The following CCDC88C variants were observed in gnomAD, a reference collection of about 807,000 sequenced individuals.
CCDC88C encodes the protein coiled-coil and HOOK domain protein 88C.
CCDC88C carries 131 observed loss-of-function variants against 198.8 expected under a neutral mutation model. The ratio of observed to expected loss-of-function variants is 0.66; its 90% CI spans 0.57 to 0.76. The LOEUF (loss-of-function observed/expected upper bound fraction) is 0.76. CCDC88C is among the 30% of genes least tolerant of loss of function. The pLI is 0.00. For synonymous variants in CCDC88C, 1,166 were observed against 1,114.7 expected (o/e 1.05, Z -0.92); for missense variants, 2,553 against 2,631.6 (o/e 0.97, Z 0.65).
chr14:91,294,356 AC>A, intron 22 of CCDC88C, 38 bp from the exon 23 acceptor site: 1 of 1,608,250 alleles, frequency 6.2e-7, no homozygotes, highest in Non-Finnish European at 8.5e-7. Context: ...ACACCATGTG[AC>A]CCGGTGTTCC....
intron 4 of CCDC88C, 39 bp from the exon 5 acceptor site, chr14:91,343,696 G>A: frequency 3.1e-6 from 5 of 1,611,156 alleles, no homozygotes; most frequent in Non-Finnish European, 4.2e-6. Context: ...CAGCTCAACT[G>A]CTGATATAAT....
chr14:91,331,977 T>C (rs1892852887), intron 10 of CCDC88C, among the ~76,000 whole-genome samples: 2 of 151,992 alleles, frequency 1.3e-5, no homozygotes, highest in African/African-American at 4.8e-5. Flanking sequence ...TCTGCCCAGC[T>C]AGGTCTCTGC....
rs1466273524 is a variant in CCDC88C, at chr14:91,338,472, T to A, written c.891+17A>T. On this transcript the variant is annotated intron_variant, in intron 9 of 29. Coordinates refer to ENST00000389857, the MANE Select transcript of CCDC88C (RefSeq NM_001080414.4). This position sits in a 1 kb window ranked among gnomAD's most constrained non-coding sequence, Gnocchi z 4.8. The stretch of plus-strand genomic sequence containing the variant: ...CCTGCTACCCCCAGGACACACAGGC[T>A]CAGGCCCCCGACTCACCTCCTGCTT... 7.1e-6 allele frequency: 11 copies of A among 1,554,822 alleles called. No homozygotes were observed. The highest frequency in any genetic ancestry group is 4.7e-5 in the South Asian group (4 of 84,226).
At chr14:91,322,693 T>C (rs73338405) in intron 12 of CCDC88C, among the ~76,000 whole-genome samples, 2,024 of 152,298 alleles carry the variant, frequency 0.013, 48 homozygotes, top group African/African-American at 0.045. Context: ...TTTTAAAGTG[T>C]TTGGATCTGT....
At chr14:91,278,547 G>C (rs1890064497) in intron 28 of CCDC88C, among the ~76,000 whole-genome samples, 1 of 152,192 alleles carries the variant, frequency 6.6e-6, no homozygotes, top group African/African-American at 2.4e-5. Context: ...AATGTACAGG[G>C]AAGGTTCATG....
At chr14:91,287,497 C>T (rs1890464594) in intron 25 of CCDC88C, among the ~76,000 whole-genome samples, 1 of 152,078 alleles carries the variant, frequency 6.6e-6, no homozygotes, top group Admixed American at 6.5e-5. Context: ...CCACACCTGG[C>T]TAAATAAAAA....
rs1263569245 is a variant in CCDC88C at position 91,284,564 on chromosome 14, A to G, written c.4442-1047T>C. Among the ~76,000 whole-genome samples, 1 of 152,228 alleles carries G rather than the reference A, an allele frequency of 6.6e-6. No homozygotes were observed. The highest frequency in any genetic ancestry group is 2.4e-5 in the African/African-American group (1 of 41,450). ...GAGTGAACAGTTAGCATGAGCAGCG[A>G]ACAGAGAAAGCACAATTCCAACAGC... On this transcript the variant is annotated intron_variant, in intron 25 of 29. Transcript: ENST00000389857. This position sits in a 1 kb window ranked among gnomAD's most constrained non-coding sequence, Gnocchi z 4.1.
Position 91,272,575 on chromosome 14 carries a change from C to A in CCDC88C, c.*50G>T. The A allele has an allele frequency of 3.2e-6, 5 of 1,545,624 alleles. No homozygotes were observed. The highest frequency in any genetic ancestry group is 1.2e-5 in the South Asian group (1 of 85,678). ...AAGCAAGAGAAAAGGCCGTGAGAGT[C>A]GGAAGGCGCGTCAGTAGTTTTCAGG... On this transcript the variant is annotated 3_prime_UTR_variant, in exon 30 of 30. Coordinates refer to ENST00000389857, the MANE Select transcript of CCDC88C (RefSeq NM_001080414.4).
chr14:91,276,812 C>T (rs934967007), intron 29 of CCDC88C, among the ~76,000 whole-genome samples: 2 of 152,166 alleles, frequency 1.3e-5, no homozygotes, highest in Non-Finnish European at 2.9e-5. Flanking sequence ...ACTTTAAAGA[C>T]GTATGTGCAG....
Position 91,272,344 on chromosome 14 carries a change from TTG to T in CCDC88C, c.*279_*280del. The T allele has an allele frequency of 4.4e-6, 2 of 452,908 alleles. No individual in the cohort carries two copies. Among genetic ancestry groups the T allele is most frequent in the Non-Finnish European group, 7.9e-6 (2 of 252,662 alleles). The allele number at this position is 452,908 out of a possible 1,614,324, so 28.1% of individuals were successfully genotyped here. A position where few individuals can be genotyped will look rare whatever the true frequency, so the allele number is the denominator to read the frequency against. ...TGCTTTGGGGGAAGTCAGTTTGTCATTGCATCCTAATTGGTCCCCATGCTGAC... is the reference window on the plus strand; with the variant it reads ...TGCTTTGGGGGAAGTCAGTTTGTCATCATCCTAATTGGTCCCCATGCTGAC... On this transcript the variant is annotated 3_prime_UTR_variant, in exon 30 of 30. Coordinates refer to ENST00000389857, the MANE Select transcript of CCDC88C (RefSeq NM_001080414.4).
chr14:91,374,377 G>C (rs761191503), intron 3 of CCDC88C, among the ~76,000 whole-genome samples: 3 of 152,218 alleles, frequency 2.0e-5, no homozygotes, highest in Non-Finnish European at 4.4e-5. Flanking sequence ...TCATTGCTTG[G>C]AATATTGGAG....
intron 12 of CCDC88C, among the ~76,000 whole-genome samples, chr14:91,324,084 G>A (rs540757070): frequency 6.8e-4 from 103 of 152,368 alleles, no homozygotes; most frequent in African/African-American, 2.5e-3. Flanking sequence ...ACGTGCACGG[G>A]AACGGTGAGC....
At chr14:91,399,830 C>T (rs1886063113) in intron 3 of CCDC88C, among the ~76,000 whole-genome samples, 1 of 139,964 alleles carries the variant, frequency 7.1e-6, no homozygotes, top group South Asian at 2.4e-4. Context: ...CAGAGTGAGA[C>T]TCCCTCTCAA....
rs1322546734 is a variant in CCDC88C, at chr14:91,289,095, C to A, written c.4441+10G>T. The stretch of plus-strand genomic sequence containing the variant: ...CCTCACCCGACCACGGCCAGGACGG[C>A]CGCCCCTACCTTTCCCCACAGACCC... On this transcript the variant is annotated intron_variant, in intron 25 of 29. Coordinates refer to ENST00000389857, the MANE Select transcript of CCDC88C (RefSeq NM_001080414.4). The A allele has an allele frequency of 1.9e-6, 3 of 1,607,864 alleles. No individual in the cohort carries two copies. Among genetic ancestry groups the A allele is most frequent in the Non-Finnish European group, 2.5e-6 (3 of 1,178,222 alleles).
intron 3 of CCDC88C, among the ~76,000 whole-genome samples, chr14:91,377,314 G>A (rs543003264): frequency 3.3e-5 from 5 of 152,336 alleles, no homozygotes; most frequent in African/African-American, 7.2e-5. Context: ...CCTGAGGCCT[G>A]CTGTGAAGAT....
intron 4 of CCDC88C, among the ~76,000 whole-genome samples, chr14:91,358,028 A>C (rs1027782338): frequency 6.6e-6 from 1 of 152,142 alleles, no homozygotes; most frequent in East Asian, 1.9e-4. Context: ...AGCACTGAAG[A>C]CTATCAGGGG....
At chr14:91,304,325 G>A (rs1891470344) in intron 19 of CCDC88C, among the ~76,000 whole-genome samples, 1 of 152,182 alleles carries the variant, frequency 6.6e-6, no homozygotes, top group Admixed American at 6.5e-5. Context: ...GCTCAGGCTT[G>A]TAATCCCAGG....
intron 3 of CCDC88C, among the ~76,000 whole-genome samples, chr14:91,398,598 A>T (rs1020543065): frequency 6.6e-6 from 1 of 152,166 alleles, no homozygotes; most frequent in Non-Finnish European, 1.5e-5. Flanking sequence ...TTGAGGTTAC[A>T]ATGAGCTATG....
intron 2 of CCDC88C, among the ~76,000 whole-genome samples, chr14:91,415,869 T>C (rs751360102): frequency 2.6e-5 from 4 of 152,174 alleles, no homozygotes; most frequent in East Asian, 1.9e-4. Flanking sequence ...CATTAGCTAA[T>C]AGATTTATGC....
Sources: gnomAD v4.1 joint callset for allele counts (sites outside exome capture counted in the v4.1 genomes callset) on GRCh38, gnomAD v4.1.1 for gene constraint, Gnocchi (gnomAD v3.1) non-coding constraint, MANE v1.5 for transcripts, NCBI Gene and HGNC (gene_info 2026-07-23, HGNC 2026-07-21) for gene names.